FER: variants seen among roughly 807,000 people sequenced by gnomAD.
FER encodes tyrosine-protein kinase Fer.
A neutral mutation model predicts 111.0 loss-of-function variants in FER; 63 were observed. That is an observed-to-expected ratio of 0.57 (90% confidence interval 0.46 to 0.70). The LOEUF (loss-of-function observed/expected upper bound fraction) is 0.70. Among genes scored for constraint, FER ranks in the 30% least tolerant of loss-of-function variants. The pLI, the probability that FER is intolerant of heterozygous loss-of-function variation, is 0.00. For missense variants in FER, 914 were observed against 954.0 expected, an observed-to-expected ratio of 0.96 and a Z score of 0.55; for synonymous variants, 327 against 313.9, an observed-to-expected ratio of 1.04 and a Z score of -0.44.
At chr5:109,040,705 T>C (rs1274421420) in intron 14 of FER, among the ~76,000 whole-genome samples, 1 of 152,144 alleles carries the variant, frequency 6.6e-6, no homozygotes, top group East Asian at 1.9e-4. Flanking sequence ...AGAGAATGAT[T>C]TGTGCTTTGT....
At chr5:109,069,888 T>C (rs556108952) in intron 16 of FER, among the ~76,000 whole-genome samples, 1 of 152,266 alleles carries the variant, frequency 6.6e-6, no homozygotes, top group South Asian at 2.1e-4. Context: ...CTTCATTTGT[T>C]ATTGGTTTGT....
intron 17 of FER, among the ~76,000 whole-genome samples, chr5:109,164,865 C>G (rs1034875305): frequency 1.1e-4 from 16 of 152,082 alleles, no homozygotes; most frequent in African/African-American, 3.9e-4. Flanking sequence ...CATGTTGACG[C>G]CATCTAAAAT....
intron 1 of FER, among the ~76,000 whole-genome samples, chr5:108,753,006 C>G (rs1254176496): frequency 6.6e-6 from 1 of 151,950 alleles, no homozygotes; most frequent in African/African-American, 2.4e-5. Context: ...TCTGTGGGAT[C>G]TTGGACAAGT....
At chr5:108,995,330 A>T (rs779904841) in intron 13 of FER, among the ~76,000 whole-genome samples, 1 of 151,970 alleles carries the variant, frequency 6.6e-6, no homozygotes, top group Non-Finnish European at 1.5e-5. Flanking sequence ...GGTTTGTTAC[A>T]TAGGTATACA....
chr5:109,040,065 G>A (rs11948684), intron 14 of FER, among the ~76,000 whole-genome samples: 29,480 of 152,024 alleles, frequency 0.19, 2,981 homozygotes, highest in Non-Finnish European at 0.22. Flanking sequence ...TGGGGTATTA[G>A]AGAAAGATTT....
At chr5:109,176,696 A>T (rs1024193593) in intron 17 of FER, among the ~76,000 whole-genome samples, 1 of 152,232 alleles carries the variant, frequency 6.6e-6, no homozygotes, top group Non-Finnish European at 1.5e-5. Context: ...TTTGATCATT[A>T]CATATTGTAT....
At chr5:108,882,527 A>G (rs1261574115) in intron 8 of FER, among the ~76,000 whole-genome samples, 2 of 151,118 alleles carry the variant, frequency 1.3e-5, no homozygotes, top group Non-Finnish European at 3.0e-5. Flanking sequence ...GTCCATTTTC[A>G]TATTAGTTTG....
intron 5 of FER, among the ~76,000 whole-genome samples, chr5:108,849,528 C>T (rs1762350481): frequency 6.6e-6 from 1 of 151,968 alleles, no homozygotes; most frequent in Non-Finnish European, 1.5e-5. Flanking sequence ...GGTTTTGCCT[C>T]CTCAAGTATG....
chr5:108,968,630 A>T (rs1390527615), intron 13 of FER, among the ~76,000 whole-genome samples: 2 of 152,194 alleles, frequency 1.3e-5, no homozygotes, highest in African/African-American at 4.8e-5. Context: ...AACGAGGAAA[A>T]TCAAACCCAC....
chr5:108,924,493 A>C, intron 10 of FER: 4 of 735,484 alleles, frequency 5.4e-6, no homozygotes, highest in Non-Finnish European at 7.4e-6. Flanking sequence ...CTGTTCCTTT[A>C]ATCCAGAACT....
At chr5:109,086,423 G>A (rs1011449540) in intron 16 of FER, among the ~76,000 whole-genome samples, 3 of 151,558 alleles carry the variant, frequency 2.0e-5, no homozygotes, top group African/African-American at 7.3e-5. Context: ...TTTTTGGTGG[G>A]TTGTGGGAAT....
At chr5:109,052,594 T>C in intron 16 of FER, 1 of 585,396 alleles carries the variant, frequency 1.7e-6, no homozygotes. Flanking sequence ...ACTCCGCTGC[T>C]GTTTGTTACT....
chr5:108,969,759 A>G (rs529055526), intron 13 of FER, among the ~76,000 whole-genome samples: 1 of 148,078 alleles, frequency 6.8e-6, no homozygotes, highest in Non-Finnish European at 1.5e-5. Flanking sequence ...TTCATGCTAT[A>G]TATTGTTAAA....
At position 108,798,327 on chromosome 5, in the gene FER, C is replaced by A. The variant is rs1049496902; in HGVS notation, c.145C>A (p.Leu49Ile). The change falls in exon 3 of 20, where the codon CTT becomes ATT. Residue 49 changes from leucine (L) to isoleucine (I), a missense_variant. Coordinates refer to ENST00000281092, the MANE Select transcript of FER (RefSeq NM_005246.4). ...DKEYASTLQN[L>I]CNQVDKESTV... The stretch of plus-strand genomic sequence containing the variant: ...AGAATATGCATCTACTTTACAGAAC[C>A]TTTGTAATCAAGTTGATAAGGAAAG... The A allele has an allele frequency of 1.1e-5, 18 of 1,613,702 alleles. No homozygotes were observed. The highest frequency in any genetic ancestry group is 2.7e-5 in the African/African-American group (2 of 74,892).
chr5:108,937,373 G>A (rs558467217), intron 10 of FER, among the ~76,000 whole-genome samples: 154 of 152,068 alleles, frequency 1.0e-3, no homozygotes, highest in Non-Finnish European at 1.7e-3. Flanking sequence ...TACCTCTTGC[G>A]ACATCTAAAT....
chr5:108,825,131 T>G (rs182306405), intron 3 of FER, among the ~76,000 whole-genome samples: 1 of 152,082 alleles, frequency 6.6e-6, no homozygotes, highest in Non-Finnish European at 1.5e-5. Context: ...CTAATGAAGT[T>G]TTGGGCACCA....
intron 16 of FER, among the ~76,000 whole-genome samples, chr5:109,067,696 C>A (rs1412518106): frequency 1.3e-5 from 2 of 151,982 alleles, no homozygotes; most frequent in East Asian, 3.9e-4. Context: ...TTTTGTACAT[C>A]TATGATTTCT....
chr5:108,779,010 C>CT (rs202242084), intron 2 of FER, among the ~76,000 whole-genome samples: 34,084 of 143,250 alleles, frequency 0.24, 4,081 homozygotes, highest in African/African-American at 0.3. Flanking sequence ...TGTCTAGGCT[C>CT]TTTTTTTTTT....
Position 108,892,534 on chromosome 5 carries a change from T to C in FER, c.1047-5125T>C, listed in dbSNP as rs374089684. Among the ~76,000 whole-genome samples, 15 of 152,304 alleles carry C rather than the reference T, an allele frequency of 9.8e-5. No homozygotes were observed. The East Asian group carries it at 2.5e-3, about 25-fold the overall frequency. On this transcript the variant is annotated intron_variant, in intron 9 of 19. Transcript: ENST00000281092. ...GGGTTGTTTGTTTTTTTCTTGTAAA[T>C]TTGTTTGAGTTCATTGTAGATTCTG...
Sources: gnomAD v4.1 joint callset for allele counts (sites outside exome capture counted in the v4.1 genomes callset) on GRCh38, gnomAD v4.1.1 for gene constraint, MANE v1.5 for transcripts, NCBI Gene and HGNC (gene_info 2026-07-23, HGNC 2026-07-21) for gene names.